TRPM6: variants seen among roughly 807,000 people sequenced by gnomAD.
The protein encoded by TRPM6 is transient receptor potential cation channel subfamily M member 6.
TRPM6 carries 111 observed loss-of-function variants against 247.6 expected under a neutral mutation model. That is an observed-to-expected ratio of 0.45 (90% confidence interval 0.38 to 0.52). The LOEUF is 0.52. Ranked by LOEUF, TRPM6 falls within the 20% of genes least tolerant of loss-of-function variation. The probability of loss-of-function intolerance (pLI) is 0.00; values close to 1 mark genes in which losing one functional copy is unlikely to be tolerated. For missense variants in TRPM6, 2,126 were observed against 2,421.5 expected (o/e 0.88, Z 2.56); for synonymous variants, 892 against 853.8 (o/e 1.04, Z -0.78).
chr9:74,847,801 C>T (rs1049772577), intron 3 of TRPM6, among the ~76,000 whole-genome samples: 1 of 152,058 alleles, frequency 6.6e-6, no homozygotes, highest in African/African-American at 2.4e-5. Flanking sequence ...ATGAAGCCTA[C>T]ACTCAGGAAT....
intron 3 of TRPM6, among the ~76,000 whole-genome samples, chr9:74,846,363 C>T (rs1830108203): frequency 6.6e-6 from 1 of 151,962 alleles, no homozygotes; most frequent in Non-Finnish European, 1.5e-5. Context: ...ATTTATGTAC[C>T]TCCTTTGCAA....
At chr9:74,881,836 C>T (rs1256048839) in intron 1 of TRPM6, among the ~76,000 whole-genome samples, 3 of 152,074 alleles carry the variant, frequency 2.0e-5, no homozygotes, top group Non-Finnish European at 4.4e-5. Context: ...AAACAGCATG[C>T]TATTGGTATA....
chr9:74,875,278 C>CA (rs1353043655), intron 1 of TRPM6: 2 of 454,916 alleles, frequency 4.4e-6, no homozygotes, highest in Non-Finnish European at 8.8e-6. Context: ...TGTGGTGACT[C>CA]ACGCCTGTAA....
At chr9:74,875,384 AATACAAAAATTAGCCAG>A in intron 1 of TRPM6, 1 of 360,210 alleles carries the variant, frequency 2.8e-6, no homozygotes, top group South Asian at 1.9e-5. Flanking sequence ...CTCTACTAAA[AATACAAAAATTAGCCAG>A]ACGTGGTGGC....
At chr9:74,810,279 G>A (rs1828684285) in intron 13 of TRPM6, among the ~76,000 whole-genome samples, 2 of 152,182 alleles carry the variant, frequency 1.3e-5, no homozygotes, top group Admixed American at 6.5e-5. Context: ...AATACTTTAA[G>A]TTTGACCTAA....
Position 74,739,439 on chromosome 9 carries a change from T to C in TRPM6, c.5498A>G (p.Gln1833Arg). 1 of 1,614,102 alleles carries C rather than the reference T, an allele frequency of 6.2e-7. No individual in the cohort carries two copies. Among genetic ancestry groups the C allele is most frequent in the Non-Finnish European group, 8.5e-7 (1 of 1,179,974 alleles). The change falls in exon 35 of 39, where the codon CAA (glutamine) becomes CGA (arginine). Residue 1833 changes from glutamine to arginine, a missense_variant. Physicochemically the swap from Gln to Arg is conservative, Grantham distance 43. This residue lies in a region of TRPM6 where 327 missense variants were observed against 397.7 expected (regional missense o/e 0.82). Transcript: ENST00000360774. The part of the protein sequence containing the change: ...VLHLCLREIQ[Q>R]QRAAQKLIYT... ...GATCAATTTTTGAGCAGCTCTTTGT[T>C]GTTGAATTTCCTACAAAATAGGGAG...
chr9:74,824,779 T>C (rs1171620650), intron 7 of TRPM6, among the ~76,000 whole-genome samples: 1 of 152,098 alleles, frequency 6.6e-6, no homozygotes, highest in African/African-American at 2.4e-5. Flanking sequence ...ATGTTTCCTA[T>C]CTTGAAATCA....
intron 9 of TRPM6, among the ~76,000 whole-genome samples, chr9:74,818,858 G>A (rs1303088076): frequency 6.6e-6 from 1 of 151,584 alleles, no homozygotes; most frequent in African/African-American, 2.4e-5. Flanking sequence ...GAACACTTCA[G>A]TTGGTTTTTT....
At chr9:74,852,573 G>A (rs1830368335) in intron 3 of TRPM6, among the ~76,000 whole-genome samples, 1 of 152,034 alleles carries the variant, frequency 6.6e-6, no homozygotes, top group South Asian at 2.1e-4. Context: ...CACCATCTCG[G>A]CTCACTGCAA....
chr9:74,837,372 G>A (rs1229517960), intron 5 of TRPM6, among the ~76,000 whole-genome samples: 1 of 152,194 alleles, frequency 6.6e-6, no homozygotes, highest in East Asian at 1.9e-4. Context: ...CTGGTCCAGG[G>A]ACTAATCCTT....
intron 1 of TRPM6, among the ~76,000 whole-genome samples, chr9:74,883,092 C>T (rs568382754): frequency 6.6e-6 from 1 of 152,234 alleles, no homozygotes; most frequent in East Asian, 1.9e-4. Context: ...ATAGATGCCT[C>T]ATAAGTGGAA....
chr9:74,739,280 A>G (rs1258283942), intron 35 of TRPM6, 87 bp downstream of exon 35: 1 of 1,248,718 alleles, frequency 8.0e-7, no homozygotes, highest in African/African-American at 1.5e-5. Flanking sequence ...TTCCCCATGG[A>G]TAAGATTTCT....
intron 24 of TRPM6, among the ~76,000 whole-genome samples, chr9:74,775,585 TC>T (rs1827189602): frequency 6.6e-6 from 1 of 152,172 alleles, no homozygotes; most frequent in Non-Finnish European, 1.5e-5. Flanking sequence ...TGATGAGTTC[TC>T]CGGTCAGCAG....
chr9:74,732,991 C>T (rs1160631069), intron 36 of TRPM6, among the ~76,000 whole-genome samples: 2 of 152,056 alleles, frequency 1.3e-5, no homozygotes, highest in South Asian at 2.1e-4. Context: ...ATTAAGAGTT[C>T]GAGACCAGCC....
At chr9:74,805,754 G>C (rs1193426040) in intron 14 of TRPM6, among the ~76,000 whole-genome samples, 2 of 152,022 alleles carry the variant, frequency 1.3e-5, no homozygotes. Context: ...GGTGAGGAGA[G>C]CCCTAGTTGG....
chr9:74,868,015 A>G (rs1298624623), intron 1 of TRPM6, among the ~76,000 whole-genome samples: 2 of 151,592 alleles, frequency 1.3e-5, no homozygotes, highest in African/African-American at 4.9e-5. Flanking sequence ...TTAGCTGGGC[A>G]TGGTGGCACA....
intron 36 of TRPM6, among the ~76,000 whole-genome samples, chr9:74,735,775 A>G (rs1001174644): frequency 6.6e-6 from 1 of 152,184 alleles, no homozygotes; most frequent in Non-Finnish European, 1.5e-5. Flanking sequence ...CAGCATAATT[A>G]CAAGTGATTG....
chr9:74,755,175 T>A (rs1826392067), intron 28 of TRPM6, among the ~76,000 whole-genome samples, 178 bp downstream of exon 28: 1 of 152,228 alleles, frequency 6.6e-6, no homozygotes, highest in Admixed American at 6.5e-5. Context: ...AACAAAATTT[T>A]GTCCCTTTCA....
chr9:74,887,863 T>C lies in TRPM6; in HGVS notation c.-7A>G. On this transcript the variant is annotated 5_prime_UTR_variant, in exon 1 of 39. Coordinates refer to ENST00000360774, the MANE Select transcript of TRPM6 (RefSeq NM_017662.5). ...AGACAGGTTGTTCTTTCATCTTTGA[T>C]TTGCAGGCCCTGCTCCCAAAGCCCT... The C allele has an allele frequency of 6.2e-7, 1 of 1,614,114 alleles. No homozygotes were observed. Among genetic ancestry groups the C allele is most frequent in the Non-Finnish European group, 8.5e-7 (1 of 1,180,034 alleles).
Sources: gnomAD v4.1 joint callset for allele counts (sites outside exome capture counted in the v4.1 genomes callset) on GRCh38, gnomAD v4.1.1 for gene constraint, gnomAD v4.1.1 regional missense constraint, MANE v1.5 for transcripts, NCBI Gene and HGNC (gene_info 2026-07-23, HGNC 2026-07-21) for gene names.